Variants in RAPGEF6 observed in about 807,000 individuals in gnomAD.
RAPGEF6 encodes the protein PDZ domain containing guanine nucleotide exchange factor (GEF) 2.
RAPGEF6 carries 56 observed loss-of-function variants against 171.4 expected under a neutral mutation model. The ratio of observed to expected loss-of-function variants is 0.33; its 90% CI spans 0.26 to 0.41. RAPGEF6 has a LOEUF of 0.41. Among genes scored for constraint, RAPGEF6 ranks in the 10% least tolerant of loss-of-function variants. The pLI, the probability that RAPGEF6 is intolerant of heterozygous loss-of-function variation, is 1.00. For missense variants in RAPGEF6, 1,674 were observed against 1,921.4 expected, an observed-to-expected ratio of 0.87 and a Z score of 2.41; for synonymous variants, 692 against 650.1, an observed-to-expected ratio of 1.06 and a Z score of -0.98.
chr5:131,469,375 T>C (rs1754592495), intron 17 of RAPGEF6, among the ~76,000 whole-genome samples: 2 of 152,026 alleles, frequency 1.3e-5, no homozygotes, highest in Admixed American at 1.3e-4. Flanking sequence ...AATAAAAAAT[T>C]TTCAATGAAG....
intron 4 of RAPGEF6, among the ~76,000 whole-genome samples, chr5:131,579,430 T>C (rs1762800750): frequency 6.6e-6 from 1 of 152,156 alleles, no homozygotes; most frequent in Non-Finnish European, 1.5e-5. Context: ...TGCTGATTGG[T>C]CCATTTTACA....
intron 14 of RAPGEF6, among the ~76,000 whole-genome samples, chr5:131,491,074 A>G (rs1017671747): frequency 6.7e-6 from 1 of 149,022 alleles, no homozygotes; most frequent in Non-Finnish European, 1.5e-5. Flanking sequence ...GTGTGTGTGA[A>G]TTAGATTATT....
Position 131,569,993 on chromosome 5 carries a change from G to A in RAPGEF6, c.282-7946C>T, listed in dbSNP as rs186065741. Among the ~76,000 whole-genome samples the A allele has an allele frequency of 9.9e-4, 115 of 116,624 alleles. 1 individual carries two copies. In the East Asian group the frequency reaches 0.032, roughly 32 times the overall value. 76.5% of individuals were successfully genotyped at this position (116,624 alleles called of 152,430 possible). ...GGAGGCAGAGGTTGCAGTGAGCTGA[G>A]ATCACACCACTGTACTCCAACCTGC... On this transcript the variant is annotated intron_variant, in intron 4 of 27. Transcript: ENST00000509018.
chr5:131,600,528 A>AGAAGGAAG (rs749813909), intron 3 of RAPGEF6, among the ~76,000 whole-genome samples: 33 of 131,622 alleles, frequency 2.5e-4, no homozygotes, highest in African/African-American at 7.4e-4. Flanking sequence ...AGAACTAACG[A>AGAAGGAAG]GAAGGAAGGA....
At position 131,427,265 on chromosome 5, in the gene RAPGEF6, G is replaced by C. The variant is rs1311821141; in HGVS notation, c.*1C>G. The C allele has an allele frequency of 6.2e-7, 1 of 1,609,428 alleles. No individual in the cohort carries two copies. The highest frequency in any genetic ancestry group is 8.5e-7 in the Non-Finnish European group (1 of 1,176,054). On this transcript the variant is annotated 3_prime_UTR_variant, in exon 28 of 28. Transcript: ENST00000509018. The stretch of plus-strand genomic sequence containing the variant: ...TGGTTTTCAAATAGGTCATCCAAAG[G>C]CTAGACTGCTGAAACTTGTTCATTT...
At chr5:131,470,793 G>A (rs1754687062) in intron 17 of RAPGEF6, among the ~76,000 whole-genome samples, 1 of 152,170 alleles carries the variant, frequency 6.6e-6, no homozygotes, top group South Asian at 2.1e-4. Flanking sequence ...GTTCAGCACT[G>A]ACAAATAAAA....
Position 131,424,666 on chromosome 5 carries a change from A to T in RAPGEF6, c.*2600T>A, listed in dbSNP as rs1379208067. On this transcript the variant is annotated 3_prime_UTR_variant, in exon 28 of 28. Coordinates refer to ENST00000509018, the MANE Select transcript of RAPGEF6 (RefSeq NM_016340.6). ...AAGGCTTTTTCTCCCCAAAGATCAT[A>T]TTGAAAGTAATCATTTGGAGTAAAT... 3.3e-5 allele frequency: 5 copies of T among 152,456 alleles called. No individual in the cohort carries two copies. Among genetic ancestry groups the T allele is most frequent in the Non-Finnish European group, 7.4e-5 (5 of 68,016 alleles). 9.4% of individuals were successfully genotyped at this position (152,456 alleles called of 1,614,324 possible).
chr5:131,612,352 C>T (rs779442390), intron 1 of RAPGEF6, among the ~76,000 whole-genome samples: 15 of 151,754 alleles, frequency 9.9e-5, no homozygotes, highest in Admixed American at 5.9e-4. Context: ...ATAGGCTTTG[C>T]GTTAGATGAT....
intron 7 of RAPGEF6, among the ~76,000 whole-genome samples, chr5:131,517,821 AC>A (rs1758200029): frequency 2.2e-5 from 3 of 135,228 alleles, no homozygotes; most frequent in Admixed American, 7.6e-5. Flanking sequence ...ACACACACAC[AC>A]AAAATTTAGT....
intron 5 of RAPGEF6, among the ~76,000 whole-genome samples, chr5:131,552,350 G>A (rs1760973912): frequency 6.6e-6 from 1 of 151,986 alleles, no homozygotes; most frequent in Non-Finnish European, 1.5e-5. Context: ...ATCCAGATCT[G>A]TAGTTTGAAT....
At chr5:131,524,780 TA>T (rs1220516406) in intron 6 of RAPGEF6, among the ~76,000 whole-genome samples, 6 of 152,202 alleles carry the variant, frequency 3.9e-5, no homozygotes, top group African/African-American at 1.4e-4. Flanking sequence ...CATGCCCAGC[TA>T]ATTTCTGTAT....
intron 17 of RAPGEF6, among the ~76,000 whole-genome samples, chr5:131,465,617 C>CA (rs763673059): frequency 2.6e-5 from 4 of 151,912 alleles, no homozygotes; most frequent in Admixed American, 6.6e-5. Flanking sequence ...CCCATCTCTA[C>CA]AAAAAATTTT....
At chr5:131,430,136 C>T (rs1328323433) in intron 26 of RAPGEF6, among the ~76,000 whole-genome samples, 2 of 151,668 alleles carry the variant, frequency 1.3e-5, no homozygotes, top group Middle Eastern at 3.2e-3. Flanking sequence ...AAAATCAGCA[C>T]ATTTCACCTT....
intron 6 of RAPGEF6, among the ~76,000 whole-genome samples, chr5:131,528,101 ATATAT>A (rs992194727): frequency 2.0e-5 from 2 of 102,542 alleles, no homozygotes; most frequent in East Asian, 2.3e-4. Flanking sequence ...ATATAAATTT[ATATAT>A]TATATATCAT....
At chr5:131,618,062 A>G (rs905257617) in intron 1 of RAPGEF6, among the ~76,000 whole-genome samples, 1 of 152,196 alleles carries the variant, frequency 6.6e-6, no homozygotes, top group Non-Finnish European at 1.5e-5. Flanking sequence ...TCAGTACTAG[A>G]GCAAAGAAAG....
At chr5:131,525,760 G>C (rs1758831904) in intron 6 of RAPGEF6, among the ~76,000 whole-genome samples, 1 of 152,044 alleles carries the variant, frequency 6.6e-6, no homozygotes, top group Non-Finnish European at 1.5e-5. Flanking sequence ...TCAGGGGTAG[G>C]AGATAGTATA....
chr5:131,489,676 CA>C, intron 14 of RAPGEF6, 22 bp from the exon 15 acceptor site: 1 of 1,308,592 alleles, frequency 7.6e-7, no homozygotes, highest in Non-Finnish European at 1.1e-6. Flanking sequence ...TTAAAAAATA[CA>C]AATTAATACA....
At chr5:131,442,572 GT>G (rs1470541712) in intron 22 of RAPGEF6, 35 bp from the exon 23 acceptor site, 2 of 1,606,646 alleles carry the variant, frequency 1.2e-6, no homozygotes, top group Non-Finnish European at 1.7e-6. Context: ...GTAACTGCAC[GT>G]TTTTAGGCAA....
intron 3 of RAPGEF6, among the ~76,000 whole-genome samples, chr5:131,593,290 G>A (rs1444002832): frequency 6.6e-6 from 1 of 152,140 alleles, no homozygotes; most frequent in Non-Finnish European, 1.5e-5. Context: ...GCTCCACAAT[G>A]TTATCCCAAG....
Sources: gnomAD v4.1 joint callset for allele counts (sites outside exome capture counted in the v4.1 genomes callset) on GRCh38, gnomAD v4.1.1 for gene constraint, MANE v1.5 for transcripts, NCBI Gene and HGNC (gene_info 2026-07-23, HGNC 2026-07-21) for gene names.